Variants in CDKAL1 observed in about 807,000 individuals in gnomAD.
CDKAL1 encodes the protein threonylcarbamoyladenosine tRNA methylthiotransferase.
In CDKAL1, 32 loss-of-function variants were observed where a neutral mutation model predicts 68.2. The observed-to-expected ratio is 0.47, with a 90% CI of 0.35 to 0.63. CDKAL1 has a LOEUF of 0.63. CDKAL1 is among the 30% of genes least tolerant of loss of function. The pLI is 0.00. For missense variants in CDKAL1, 606 were observed against 696.7 expected (o/e 0.87, Z 1.47); for synonymous variants, 234 against 244.3 (o/e 0.96, Z 0.39).
chr6:20,660,185 A>G lies in CDKAL1; in HGVS notation c.371+10808A>G, dbSNP rs78757348. 4.0e-3 allele frequency among the ~76,000 whole-genome samples: 613 copies of G among 152,182 alleles called. 2 individuals are homozygous for G. The highest frequency in any genetic ancestry group is 6.5e-3 in the Non-Finnish European group (440 of 68,002). ...CTGTTCCATGCTAGTTCTTTATCCC[A>G]TATTAACAATTAACATCTGTTGTTG... On this transcript the variant is annotated intron_variant, in intron 5 of 15. Transcript: ENST00000274695.
intron 10 of CDKAL1, among the ~76,000 whole-genome samples, chr6:20,962,516 A>G (rs1765105084): frequency 1.3e-5 from 2 of 152,226 alleles, no homozygotes; most frequent in African/African-American, 2.4e-5. Context: ...ATTTATGAAC[A>G]TTAATAATAT....
chr6:20,732,928 C>T (rs751504499), intron 5 of CDKAL1, among the ~76,000 whole-genome samples: 13 of 152,190 alleles, frequency 8.5e-5, no homozygotes, highest in Non-Finnish European at 1.5e-4. Flanking sequence ...ATCCTCATTT[C>T]TTCCCCTTAA....
intron 4 of CDKAL1, among the ~76,000 whole-genome samples, chr6:20,568,734 CAAAAA>C (rs71538795): frequency 1.6e-4 from 5 of 31,116 alleles, no homozygotes; most frequent in African/African-American, 7.4e-4. Flanking sequence ...GACTCCGCCT[CAAAAA>C]AAAAAAAAAA....
At chr6:20,902,395 CTA>C (rs1762045014) in intron 9 of CDKAL1, among the ~76,000 whole-genome samples, 1 of 151,050 alleles carries the variant, frequency 6.6e-6, no homozygotes, top group Admixed American at 6.6e-5. Flanking sequence ...CTGAGTTTAG[CTA>C]TGAGGTATGA....
chr6:21,138,299 A>G (rs185901050), intron 13 of CDKAL1, among the ~76,000 whole-genome samples: 1 of 152,176 alleles, frequency 6.6e-6, no homozygotes, highest in East Asian at 1.9e-4. Flanking sequence ...TATAATTTCA[A>G]CCACAGACAA....
intron 10 of CDKAL1, among the ~76,000 whole-genome samples, chr6:20,996,136 G>T (rs773243262): frequency 6.6e-6 from 1 of 152,210 alleles, no homozygotes; most frequent in African/African-American, 2.4e-5. Context: ...GAGAGTTAGG[G>T]CCTTGCTCTG....
intron 12 of CDKAL1, among the ~76,000 whole-genome samples, chr6:21,102,049 T>C (rs1420273198): frequency 1.3e-5 from 2 of 152,210 alleles, no homozygotes; most frequent in African/African-American, 4.8e-5. Context: ...TAGGAAGCTC[T>C]TTCTGAAGCA....
intron 8 of CDKAL1, among the ~76,000 whole-genome samples, chr6:20,841,227 G>A (rs574192557): frequency 6.6e-6 from 1 of 152,256 alleles, no homozygotes; most frequent in South Asian, 2.1e-4. Context: ...AATGGAAAGT[G>A]GAGGCTGTGA....
intron 11 of CDKAL1, among the ~76,000 whole-genome samples, chr6:21,036,202 ATT>A (rs1463936556): frequency 6.6e-6 from 1 of 152,200 alleles, no homozygotes; most frequent in African/African-American, 2.4e-5. Context: ...TTATTGCAGT[ATT>A]CATTTTACAT....
chr6:21,039,053 A>T (rs9350314), intron 11 of CDKAL1, among the ~76,000 whole-genome samples: 1 of 151,966 alleles, frequency 6.6e-6, no homozygotes, highest in Admixed American at 6.5e-5. Context: ...GGGGTCCCCA[A>T]CCCCCAGGAC....
intron 4 of CDKAL1, among the ~76,000 whole-genome samples, chr6:20,588,094 C>A (rs1321048156): frequency 6.6e-6 from 1 of 152,086 alleles, no homozygotes; most frequent in African/African-American, 2.4e-5. Flanking sequence ...AAGACCCTGC[C>A]TCAAAACAAA....
intron 9 of CDKAL1, among the ~76,000 whole-genome samples, chr6:20,875,091 A>G (rs1163827337): frequency 6.6e-6 from 1 of 151,452 alleles, no homozygotes; most frequent in African/African-American, 2.4e-5. Flanking sequence ...TGAGGTCAGG[A>G]GATCGAGACC....
chr6:20,939,885 C>G (rs552316117), intron 9 of CDKAL1, among the ~76,000 whole-genome samples: 10 of 152,204 alleles, frequency 6.6e-5, no homozygotes, highest in Non-Finnish European at 2.9e-5. Context: ...CATATCTTAC[C>G]TATTTTCTGT....
chr6:20,618,322 C>G (rs1368757044), intron 4 of CDKAL1, among the ~76,000 whole-genome samples: 1 of 152,076 alleles, frequency 6.6e-6, no homozygotes, highest in East Asian at 1.9e-4. Flanking sequence ...AGCCCTTTGT[C>G]AGATGGGTAG....
intron 8 of CDKAL1, among the ~76,000 whole-genome samples, chr6:20,810,627 G>GGTGTGTGTGT (rs57000695): frequency 1.5e-5 from 2 of 134,672 alleles, no homozygotes; most frequent in East Asian, 2.4e-4. Flanking sequence ...TGTATGTATG[G>GGTGTGTGTGT]GTGTGTGTGT....
At chr6:20,919,626 T>A (rs374408025) in intron 9 of CDKAL1, among the ~76,000 whole-genome samples, 1 of 152,222 alleles carries the variant, frequency 6.6e-6, no homozygotes, top group Non-Finnish European at 1.5e-5. Flanking sequence ...GCTTCATCCA[T>A]GTCCCTGCAA....
intron 5 of CDKAL1, among the ~76,000 whole-genome samples, chr6:20,661,922 G>A (rs1176043341): frequency 6.6e-6 from 1 of 152,186 alleles, no homozygotes; most frequent in Non-Finnish European, 1.5e-5. Flanking sequence ...TAACAACTCT[G>A]TAGGTGGAGG....
intron 5 of CDKAL1, among the ~76,000 whole-genome samples, chr6:20,723,972 G>A (rs954693277): frequency 2.6e-5 from 4 of 152,108 alleles, no homozygotes; most frequent in African/African-American, 7.2e-5. Context: ...TTACTCTGTC[G>A]CTCAGGCTGG....
intron 11 of CDKAL1, among the ~76,000 whole-genome samples, chr6:21,021,781 C>G (rs1768683594): frequency 6.6e-6 from 1 of 152,146 alleles, no homozygotes; most frequent in African/African-American, 2.4e-5. Context: ...AGGTAGCACC[C>G]CACACACTAA....
Sources: gnomAD v4.1 joint callset for allele counts (sites outside exome capture counted in the v4.1 genomes callset) on GRCh38, gnomAD v4.1.1 for gene constraint, MANE v1.5 for transcripts, NCBI Gene and HGNC (gene_info 2026-07-23, HGNC 2026-07-21) for gene names.